AUTS2: variants seen among roughly 807,000 people sequenced by gnomAD.
The protein encoded by AUTS2 is activator of transcription and developmental regulator AUTS2.
A neutral mutation model predicts 112.4 loss-of-function variants in AUTS2; 17 were observed. That is an observed-to-expected ratio of 0.15 (90% confidence interval 0.10 to 0.23). The LOEUF (loss-of-function observed/expected upper bound fraction) is 0.23. AUTS2 is among the 10% of genes least tolerant of loss of function. AUTS2 has a pLI of 1.00. For synonymous variants in AUTS2, 751 were observed against 702.7 expected, an observed-to-expected ratio of 1.07 and a Z score of -1.09; for missense variants, 1,510 against 1,701.6, an observed-to-expected ratio of 0.89 and a Z score of 1.98.
At chr7:70,724,242 T>C (rs1190105124) in intron 6 of AUTS2, among the ~76,000 whole-genome samples, 2 of 152,190 alleles carry the variant, frequency 1.3e-5, no homozygotes, top group Non-Finnish European at 2.9e-5. Context: ...CAGGCACATA[T>C]ATACCTTTAG....
chr7:70,722,099 G>A (rs367894558), intron 6 of AUTS2, among the ~76,000 whole-genome samples: 49 of 150,880 alleles, frequency 3.2e-4, no homozygotes, highest in Middle Eastern at 3.4e-3. Context: ...TGGTTGATAC[G>A]TCTCTTTGAC....
intron 4 of AUTS2, among the ~76,000 whole-genome samples, chr7:70,172,361 A>G (rs1808747335): frequency 6.6e-6 from 1 of 152,192 alleles, no homozygotes; most frequent in Non-Finnish European, 1.5e-5. Context: ...AGGTTTCTGT[A>G]AGGTAATCCC....
intron 4 of AUTS2, among the ~76,000 whole-genome samples, chr7:70,161,612 C>A (rs765401578): frequency 9.3e-5 from 14 of 149,974 alleles, no homozygotes; most frequent in Admixed American, 8.1e-4. Flanking sequence ...TGTTCCCCAC[C>A]TTTTCTTCAG....
At chr7:69,970,732 A>G (rs1335726624) in intron 2 of AUTS2, among the ~76,000 whole-genome samples, 1 of 152,148 alleles carries the variant, frequency 6.6e-6, no homozygotes, top group Non-Finnish European at 1.5e-5. Context: ...CAACAGTGCT[A>G]GCCCTTGACC....
At chr7:69,881,714 C>A (rs185101663) in intron 1 of AUTS2, among the ~76,000 whole-genome samples, 5 of 152,130 alleles carry the variant, frequency 3.3e-5, no homozygotes, top group East Asian at 3.9e-4. Context: ...ATGCCTCCCC[C>A]CACAGCCCTG....
intron 1 of AUTS2, among the ~76,000 whole-genome samples, chr7:69,694,327 T>G (rs1797466451): frequency 6.6e-6 from 1 of 152,202 alleles, no homozygotes; most frequent in Non-Finnish European, 1.5e-5. Flanking sequence ...TTTCTACTTT[T>G]TAAAAATTAT....
intron 1 of AUTS2, among the ~76,000 whole-genome samples, chr7:69,692,958 G>C (rs958155419): frequency 6.6e-6 from 1 of 152,160 alleles, no homozygotes; most frequent in Non-Finnish European, 1.5e-5. Context: ...TTATAAACAC[G>C]CTAGAACTTT....
At chr7:70,597,030 G>A (rs1400547240) in intron 5 of AUTS2, among the ~76,000 whole-genome samples, 1 of 152,062 alleles carries the variant, frequency 6.6e-6, no homozygotes, top group Admixed American at 6.5e-5. Flanking sequence ...TAATTATAGT[G>A]CACTTTTTAT....
intron 3 of AUTS2, among the ~76,000 whole-genome samples, chr7:70,127,442 T>C (rs1003519657): frequency 6.6e-6 from 1 of 152,334 alleles, no homozygotes; most frequent in East Asian, 1.9e-4. Context: ...TGGCCTATTT[T>C]ATTTCTGTTC....
At chr7:70,399,349 C>T (rs377715918) in intron 4 of AUTS2, among the ~76,000 whole-genome samples, 4 of 152,054 alleles carry the variant, frequency 2.6e-5, no homozygotes, top group Non-Finnish European at 4.4e-5. Flanking sequence ...TCCAATATTA[C>T]GCCATTCTAT....
intron 4 of AUTS2, among the ~76,000 whole-genome samples, chr7:70,310,840 G>C (rs187606219): frequency 3.9e-4 from 59 of 152,178 alleles, no homozygotes; most frequent in Admixed American, 1.6e-3. Flanking sequence ...TTTTCCCTTA[G>C]AATACTTGTC....
At chr7:70,049,487 G>T (rs949712572) in intron 2 of AUTS2, among the ~76,000 whole-genome samples, 1 of 151,740 alleles carries the variant, frequency 6.6e-6, no homozygotes, top group Admixed American at 6.6e-5. Flanking sequence ...CTGCCACCAC[G>T]CCTGGCTAAT....
chr7:70,495,957 A>C (rs1166319706), intron 5 of AUTS2, among the ~76,000 whole-genome samples: 1 of 136,566 alleles, frequency 7.3e-6, no homozygotes, highest in Non-Finnish European at 1.5e-5. Flanking sequence ...CCACACATGC[A>C]CACGTCACAT....
chr7:69,792,611 C>A (rs1235776662), intron 1 of AUTS2, among the ~76,000 whole-genome samples: 1 of 152,142 alleles, frequency 6.6e-6, no homozygotes, highest in Non-Finnish European at 1.5e-5. Flanking sequence ...TTTCTCTGTG[C>A]ACATATACTG....
chr7:70,702,044 C>T (rs1281175100), intron 6 of AUTS2, among the ~76,000 whole-genome samples: 1 of 152,246 alleles, frequency 6.6e-6, no homozygotes, highest in African/African-American at 2.4e-5. Context: ...CTCTTGCCTA[C>T]TGTAGATCCT....
chr7:70,546,403 C>T (rs1585283666), intron 5 of AUTS2, among the ~76,000 whole-genome samples: 1 of 151,882 alleles, frequency 6.6e-6, no homozygotes, highest in African/African-American at 2.4e-5. Flanking sequence ...GAGATTGCAC[C>T]ACTGCACTCC....
At chr7:70,158,650 C>G (rs1807912205) in intron 4 of AUTS2, among the ~76,000 whole-genome samples, 1 of 151,992 alleles carries the variant, frequency 6.6e-6, no homozygotes, top group African/African-American at 2.4e-5. Flanking sequence ...AGAAAGAGAT[C>G]CTGTGGGAGT....
At chr7:70,641,110 G>C (rs1218930333) in intron 5 of AUTS2, among the ~76,000 whole-genome samples, 1 of 152,184 alleles carries the variant, frequency 6.6e-6, no homozygotes, top group Non-Finnish European at 1.5e-5. Flanking sequence ...GATGTTTCTA[G>C]TTATGCTCAG....
In AUTS2 at chr7:70,334,259, T is replaced by G. The variant is rs75900051; in HGVS notation, c.661-101493T>G. ...ATATTCTTTATCATGTTGAGGCAAT[T>G]CCCTTCTATTTCTAGTTTTGTGAGT... On this transcript the variant is annotated intron_variant, in intron 4 of 18. Coordinates refer to ENST00000342771, the MANE Select transcript of AUTS2 (RefSeq NM_015570.4). 5.7e-3 allele frequency among the ~76,000 whole-genome samples: 873 copies of G among 152,300 alleles called. 35 individuals carry two copies. In the East Asian group the frequency reaches 0.096, roughly 17 times the overall value.
Sources: gnomAD v4.1 joint callset for allele counts (sites outside exome capture counted in the v4.1 genomes callset) on GRCh38, gnomAD v4.1.1 for gene constraint, MANE v1.5 for transcripts, NCBI Gene and HGNC (gene_info 2026-07-23, HGNC 2026-07-21) for gene names.